The following GRID1 variants were observed in gnomAD, a reference collection of about 807,000 sequenced individuals.
The protein encoded by GRID1 is glutamate receptor ionotropic, delta-1.
Under a neutral mutation model 98.0 loss-of-function variants are expected in GRID1, and 28 were observed. That is an observed-to-expected ratio of 0.29 (90% CI 0.21 to 0.39). The LOEUF is 0.39. Ranked by LOEUF, GRID1 falls within the 10% of genes least tolerant of loss-of-function variation. GRID1 has a pLI of 1.00. For synonymous variants in GRID1, 553 were observed against 538.5 expected, an observed-to-expected ratio of 1.03 and a Z score of -0.37; for missense variants, 1,111 against 1,340.5, an observed-to-expected ratio of 0.83 and a Z score of 2.67.
At position 86,366,217 on chromosome 10, in the gene GRID1, C is replaced by A. The variant is rs1259379126; in HGVS notation, c.79+97G>T. 15 of 758,450 alleles carry A rather than the reference C, an allele frequency of 2.0e-5. No homozygotes were observed. The highest frequency in any genetic ancestry group is 7.4e-5 in the South Asian group (3 of 40,388). The allele number at this position is 758,450 out of a possible 1,614,324, so 47.0% of individuals were successfully genotyped here. On this transcript the variant is annotated intron_variant, in intron 1 of 15. Transcript: ENST00000327946. The surrounding 1 kb of genome is among the most constrained non-coding windows in gnomAD (Gnocchi z 4.1). The stretch of plus-strand genomic sequence containing the variant: ...CTTCGGGGGAGCACCGCCCGCCGAG[C>A]CCCTCGGCCCAGGGAAACGCCAAGT...
At chr10:85,877,234 T>A (rs111461080) in intron 5 of GRID1, among the ~76,000 whole-genome samples, 5 of 152,136 alleles carry the variant, frequency 3.3e-5, no homozygotes, top group Non-Finnish European at 5.9e-5. Context: ...ATGTCCCTGT[T>A]TGACAGCTTT....
chr10:86,200,490 G>T (rs1248903491), intron 3 of GRID1, among the ~76,000 whole-genome samples: 1 of 152,226 alleles, frequency 6.6e-6, no homozygotes, highest in Non-Finnish European at 1.5e-5. Context: ...GGCAGGCACA[G>T]CCTGGCCAGG....
rs770381388 is a variant in GRID1, at chr10:85,651,049, G to A, written c.1998-3652C>T. On this transcript the variant is annotated intron_variant, in intron 12 of 15. Transcript: ENST00000327946. Reference sequence around the variant, plus strand: ...GACATACTGAGTCAGAAACTCTGAAGGTGGTGCTCAGCAGTCTATGTTTCC... The same window carrying A: ...GACATACTGAGTCAGAAACTCTGAAAGTGGTGCTCAGCAGTCTATGTTTCC... Among the ~76,000 whole-genome samples the A allele has an allele frequency of 1.6e-4, 24 of 152,180 alleles. 2 individuals carry two copies. Among genetic ancestry groups the A allele is most frequent in the Non-Finnish European group, 3.1e-4 (21 of 68,030 alleles).
chr10:85,905,541 C>CA (rs1841449037), intron 5 of GRID1, among the ~76,000 whole-genome samples: 1 of 152,014 alleles, frequency 6.6e-6, no homozygotes, highest in East Asian at 1.9e-4. Flanking sequence ...TTTTAATAAA[C>CA]ATAATAACTA....
intron 13 of GRID1, among the ~76,000 whole-genome samples, chr10:85,627,358 G>A (rs1842924914): frequency 6.6e-6 from 1 of 152,144 alleles, no homozygotes; most frequent in South Asian, 2.1e-4. Flanking sequence ...GATGTGCTCA[G>A]GATCTTGCTT....
chr10:86,030,699 A>T (rs1377144875), intron 4 of GRID1, among the ~76,000 whole-genome samples: 1 of 152,190 alleles, frequency 6.6e-6, no homozygotes, highest in Non-Finnish European at 1.5e-5. Flanking sequence ...ATGATATAGG[A>T]GTTAAGAAGA....
chr10:86,346,425 G>C (rs1040958825), intron 2 of GRID1, among the ~76,000 whole-genome samples: 3 of 152,202 alleles, frequency 2.0e-5, no homozygotes, highest in Non-Finnish European at 4.4e-5. Flanking sequence ...GAGGGCAGCT[G>C]GGTGGGGCCT....
chr10:86,106,693 T>C (rs558488422), intron 4 of GRID1, among the ~76,000 whole-genome samples: 8 of 152,050 alleles, frequency 5.3e-5, no homozygotes, highest in African/African-American at 1.7e-4. Flanking sequence ...TCAGAGATGA[T>C]CAGGAATGTG....
intron 8 of GRID1, among the ~76,000 whole-genome samples, chr10:85,733,435 G>A (rs1231367255): frequency 6.6e-6 from 1 of 152,190 alleles, no homozygotes; most frequent in South Asian, 2.1e-4. Context: ...TGGGAACTTG[G>A]AGGTGTGAAC....
chr10:86,251,458 G>A lies in GRID1; in HGVS notation c.236-44810C>T, dbSNP rs533906474. On this transcript the variant is annotated intron_variant, in intron 2 of 15. Transcript: ENST00000327946. ...GGGGCCATGGCTGGTCCTCATACCC[G>A]AGGCTCAGTTCCCTCATGTCTGCGG... Among the ~76,000 whole-genome samples the A allele has an allele frequency of 2.6e-5, 4 of 151,968 alleles. No individual in the cohort carries two copies. The South Asian group carries it at 6.2e-4, about 24-fold the overall frequency.
intron 8 of GRID1, among the ~76,000 whole-genome samples, chr10:85,804,586 T>A (rs1196051761): frequency 6.6e-6 from 1 of 151,842 alleles, no homozygotes; most frequent in East Asian, 1.9e-4. Context: ...CCCTTCATCA[T>A]AATAAATCTA....
chr10:85,620,773 A>C (rs901754289), intron 13 of GRID1, among the ~76,000 whole-genome samples: 3 of 152,168 alleles, frequency 2.0e-5, no homozygotes, highest in African/African-American at 4.8e-5. Flanking sequence ...ACACAAACAC[A>C]CCTGTGCACA....
At chr10:85,851,787 G>T (rs1034589321) in intron 8 of GRID1, among the ~76,000 whole-genome samples, 1 of 152,112 alleles carries the variant, frequency 6.6e-6, no homozygotes, top group African/African-American at 2.4e-5. Flanking sequence ...CAAGAGAGCT[G>T]CGACTCCTTG....
At chr10:86,165,292 G>A (rs187629446) in intron 3 of GRID1, among the ~76,000 whole-genome samples, 97 of 152,314 alleles carry the variant, frequency 6.4e-4, no homozygotes, top group Non-Finnish European at 1.1e-3. Flanking sequence ...CAAGACAAAT[G>A]GTTGTGTCAA....
intron 4 of GRID1, among the ~76,000 whole-genome samples, chr10:86,015,188 C>A (rs1192841494): frequency 6.6e-6 from 1 of 152,192 alleles, no homozygotes; most frequent in African/African-American, 2.4e-5. Flanking sequence ...TGGTTCACTG[C>A]CTCAGCCCCT....
At chr10:86,197,875 A>G (rs144125738) in intron 3 of GRID1, among the ~76,000 whole-genome samples, 2,669 of 152,204 alleles carry the variant, frequency 0.018, 65 homozygotes, top group Middle Eastern at 0.085. Flanking sequence ...ACAAAACCCA[A>G]AACACTCATC....
intron 2 of GRID1, among the ~76,000 whole-genome samples, chr10:86,329,874 G>T (rs1215146927): frequency 2.0e-5 from 3 of 152,124 alleles, no homozygotes; most frequent in African/African-American, 4.8e-5. Flanking sequence ...TGGCATCACT[G>T]GTGCCCTTCC....
chr10:85,797,607 G>GTT (rs1340869862), intron 8 of GRID1, among the ~76,000 whole-genome samples: 40 of 135,196 alleles, frequency 3.0e-4, no homozygotes, highest in African/African-American at 1.1e-3. Context: ...GGCTAAATCT[G>GTT]TATTTTTTTT....
chr10:86,301,456 T>C (rs1171064902), intron 2 of GRID1, among the ~76,000 whole-genome samples: 1 of 152,264 alleles, frequency 6.6e-6, no homozygotes, highest in Non-Finnish European at 1.5e-5. Context: ...CCCCTGAGCC[T>C]GCACACATGT....
Sources: allele counts gnomAD v4.1 joint callset (sites outside exome capture counted in the v4.1 genomes callset), GRCh38; gene constraint gnomAD v4.1.1; non-coding constraint Gnocchi (gnomAD v3.1); transcripts MANE v1.5; gene names NCBI Gene and HGNC (gene_info 2026-07-23, HGNC 2026-07-21).